Variants in SOX13 observed in about 807,000 individuals in gnomAD.
The protein encoded by SOX13 is transcription factor SOX-13.
Under a neutral mutation model 71.8 loss-of-function variants are expected in SOX13, and 28 were observed. The ratio of observed to expected loss-of-function variants is 0.39; its 90% CI spans 0.29 to 0.53. SOX13 has a LOEUF of 0.53. Among genes scored for constraint, SOX13 ranks in the 20% least tolerant of loss-of-function variants. SOX13 has a pLI of 0.70. For missense variants in SOX13, 627 were observed against 810.3 expected (o/e 0.77, Z 2.75); for synonymous variants, 309 against 317.8 (o/e 0.97, Z 0.29).
chr1:204,117,339 C>T (rs1656715273), intron 6 of SOX13, 149 bp downstream of exon 6: 1 of 756,160 alleles, frequency 1.3e-6, no homozygotes, highest in Non-Finnish European at 2.3e-6. Context: ...TATTTCTATT[C>T]TAGCCCCCAA....
intron 1 of SOX13, among the ~76,000 whole-genome samples, chr1:204,098,187 T>C (rs12759132): frequency 6.6e-6 from 1 of 152,158 alleles, no homozygotes; most frequent in Admixed American, 6.5e-5. Flanking sequence ...ATTTAAAATT[T>C]TGCAGATTGG....
Position 204,073,947 on chromosome 1 carries a change from C to T in SOX13, c.-2+236C>T, listed in dbSNP as rs1490160668. 1 of 150,640 alleles carries T rather than the reference C, an allele frequency of 6.6e-6. No homozygotes were observed. The highest frequency in any genetic ancestry group is 2.5e-5 in the African/African-American group (1 of 40,594). The allele number at this position is 150,640 out of a possible 1,614,324, so 9.3% of individuals were successfully genotyped here. A position where few individuals can be genotyped will look rare whatever the true frequency, so the allele number is the denominator to read the frequency against. On this transcript the variant is annotated intron_variant, in intron 1 of 13. Transcript: ENST00000367204. The surrounding 1 kb of genome is among the most constrained non-coding windows in gnomAD (Gnocchi z 6.8). Reference sequence around the variant, plus strand: ...TCCTTGTGGAGAGGGATGGCAGCCTCTAAGGCAGTGCGTGGCTGTGTGTGT... The same window carrying T: ...TCCTTGTGGAGAGGGATGGCAGCCTTTAAGGCAGTGCGTGGCTGTGTGTGT...
chr1:204,087,133 AGGAT>A (rs1235656601), intron 1 of SOX13, among the ~76,000 whole-genome samples: 1 of 152,272 alleles, frequency 6.6e-6, no homozygotes, highest in East Asian at 1.9e-4. Context: ...CGTGTTAGCC[AGGAT>A]GGTCTCGATT....
intron 1 of SOX13, among the ~76,000 whole-genome samples, chr1:204,097,335 C>T (rs1656271516): frequency 6.6e-6 from 1 of 152,122 alleles, no homozygotes; most frequent in Admixed American, 6.5e-5. Flanking sequence ...TTTTAATATC[C>T]AGTTTTTGGT....
intron 7 of SOX13, among the ~76,000 whole-genome samples, chr1:204,120,346 C>T (rs1403164296): frequency 1.3e-5 from 2 of 152,204 alleles, no homozygotes; most frequent in Non-Finnish European, 2.9e-5. Flanking sequence ...ATAGGACCCC[C>T]AACTGCTTTC....
intron 1 of SOX13, among the ~76,000 whole-genome samples, chr1:204,090,622 G>T (rs545612439): frequency 6.6e-6 from 1 of 151,944 alleles, no homozygotes; most frequent in African/African-American, 2.4e-5. Flanking sequence ...TGTTGGCCAG[G>T]CTGGTCTTGA....
In SOX13 at chr1:204,124,947, T is replaced by C. The variant is rs1055050204; in HGVS notation, c.1592+90T>C. The C allele has an allele frequency of 9.0e-5, 85 of 940,814 alleles. 1 individual carries two copies. In the East Asian group the frequency reaches 1.6e-3, roughly 17 times the overall value. The allele number at this position is 940,814 out of a possible 1,614,324, so 58.3% of individuals were successfully genotyped here. The stretch of plus-strand genomic sequence containing the variant: ...TGGGTGTCAGTGTGTGGCCTGCCTT[T>C]GTGTGTGACCCCAGGGGTGCTGTGT... On this transcript the variant is annotated intron_variant, in intron 13 of 13. Transcript: ENST00000367204.
chr1:204,097,527 A>G (rs1162592369), intron 1 of SOX13, among the ~76,000 whole-genome samples: 1 of 152,038 alleles, frequency 6.6e-6, no homozygotes, highest in Non-Finnish European at 1.5e-5. Flanking sequence ...CCCTGTCTCT[A>G]CTAAAAATAC....
intron 8 of SOX13, 59 bp downstream of exon 8, chr1:204,122,044 C>T (rs911150443): frequency 1.3e-4 from 166 of 1,298,826 alleles, no homozygotes; most frequent in Non-Finnish European, 1.8e-4. Flanking sequence ...GGCCGGCTGC[C>T]GTGTTAGGGA....
intron 1 of SOX13, among the ~76,000 whole-genome samples, chr1:204,103,625 A>G (rs940740611): frequency 1.1e-4 from 16 of 152,230 alleles, no homozygotes; most frequent in Non-Finnish European, 1.5e-4. Flanking sequence ...GGGGCCTTTG[A>G]CATGGCCAGT....
chr1:204,123,196 T>C lies in SOX13; in HGVS notation c.1219T>C (p.Cys407Arg), dbSNP rs765882711. Residue 407 changes from cysteine (C) to arginine (R), a missense_variant, in exon 11 of 14, where the codon TGC (cysteine) becomes CGC (arginine). By Grantham distance (180) the Cys-to-Arg change is radical (BLOSUM62 -3). This residue lies in a region of SOX13 where 447 missense variants were observed against 532.2 expected (regional missense o/e 0.84). Transcript: ENST00000367204. The surrounding 1 kb of genome is among the most constrained non-coding windows in gnomAD (Gnocchi z 5.0). Reference protein sequence around the residue: ...VHPLEEAMLSCDMDGSRHFPE... With the variant: ...VHPLEEAMLSRDMDGSRHFPE... ...CCCACTGGAGGAAGCCATGCTGAGC[T>C]GCGACATGGATGGTGAGGGCTCAGG... is the stretch of plus-strand genomic sequence containing the variant. 1.2e-6 allele frequency: 2 copies of C among 1,613,232 alleles called. No individual in the cohort carries two copies. The highest frequency in any genetic ancestry group is 1.7e-6 in the Non-Finnish European group (2 of 1,179,366).
At chr1:204,083,181 G>A (rs1166457340) in intron 1 of SOX13, among the ~76,000 whole-genome samples, 1 of 152,138 alleles carries the variant, frequency 6.6e-6, no homozygotes, top group Non-Finnish European at 1.5e-5. Context: ...TTGTGTGTGA[G>A]TGTTGGTGTG....
rs755769772 is a variant in SOX13 at position 204,123,584 on chromosome 1, G to T, written c.1232-77G>T. 24 of 1,500,038 alleles carry T rather than the reference G, an allele frequency of 1.6e-5. No homozygotes were observed. The highest frequency in any genetic ancestry group is 2.1e-5 in the Non-Finnish European group (23 of 1,106,336). The allele number at this position is 1,500,038 out of a possible 1,614,324, so 92.9% of individuals were successfully genotyped here. On this transcript the variant is annotated intron_variant, in intron 11 of 13. Coordinates refer to ENST00000367204, the MANE Select transcript of SOX13 (RefSeq NM_005686.3). The surrounding 1 kb of genome is among the most constrained non-coding windows in gnomAD (Gnocchi z 5.0). ...AGTGCCTCCTGCTGGTCAAGTAGGGGACGTCTCTCTGCTGGCCCTGGGGCA... is the reference window on the plus strand; with the variant it reads ...AGTGCCTCCTGCTGGTCAAGTAGGGTACGTCTCTCTGCTGGCCCTGGGGCA...
Position 204,095,039 on chromosome 1 carries a change from C to G in SOX13, c.-1-17876C>G, listed in dbSNP as rs372735139. 5.1e-4 allele frequency among the ~76,000 whole-genome samples: 78 copies of G among 152,310 alleles called. 1 individual carries two copies. In the South Asian group the frequency reaches 0.016, roughly 30 times the overall value. ...TGAGCGCAGACCTTCTGGTTTAGAGCTTCAGTCTGGACCATTGTGCTGTGT... is the reference window on the plus strand; with the variant it reads ...TGAGCGCAGACCTTCTGGTTTAGAGGTTCAGTCTGGACCATTGTGCTGTGT... On this transcript the variant is annotated intron_variant, in intron 1 of 13. Coordinates refer to ENST00000367204, the MANE Select transcript of SOX13 (RefSeq NM_005686.3).
chr1:204,109,296 A>G (rs1656530812), intron 1 of SOX13, among the ~76,000 whole-genome samples: 1 of 152,248 alleles, frequency 6.6e-6, no homozygotes, highest in Admixed American at 6.5e-5. Flanking sequence ...GCAAGGTGGA[A>G]TCAAATCAAA....
At chr1:204,089,461 G>A (rs1464038364) in intron 1 of SOX13, among the ~76,000 whole-genome samples, 1 of 152,206 alleles carries the variant, frequency 6.6e-6, no homozygotes, top group Admixed American at 6.5e-5. Context: ...AGTGATGCCT[G>A]GAACAAAATC....
chr1:204,122,126 TC>T, intron 8 of SOX13, 110 bp from the exon 9 acceptor site: 3 of 1,111,698 alleles, frequency 2.7e-6, no homozygotes, highest in Non-Finnish European at 3.9e-6. Flanking sequence ...CGTCCACTTT[TC>T]TGTCTGTCTC....
intron 7 of SOX13, chr1:204,118,481 C>T (rs1030144306): frequency 2.6e-5 from 4 of 152,066 alleles, no homozygotes; most frequent in African/African-American, 7.2e-5. Flanking sequence ...CTGCCTCAGC[C>T]TCCTGAGTAG....
chr1:204,087,281 G>T (rs556424585), intron 1 of SOX13, among the ~76,000 whole-genome samples: 1 of 151,892 alleles, frequency 6.6e-6, no homozygotes, highest in East Asian at 1.9e-4. Flanking sequence ...CATCACCTGG[G>T]TAGATAAGTC....
Sources: allele counts gnomAD v4.1 joint callset (sites outside exome capture counted in the v4.1 genomes callset), GRCh38; gene constraint gnomAD v4.1.1; regional missense constraint gnomAD v4.1.1; non-coding constraint Gnocchi (gnomAD v3.1); transcripts MANE v1.5; gene names NCBI Gene and HGNC (gene_info 2026-07-23, HGNC 2026-07-21).